The following BTBD8 variants were observed in gnomAD, a reference collection of about 807,000 sequenced individuals.
The protein encoded by BTBD8 is BTB domain containing 8, also known as BTB/POZ domain-containing protein 8.
Under a neutral mutation model 162.9 loss-of-function variants are expected in BTBD8, and 110 were observed. The observed-to-expected ratio is 0.68, with a 90% CI of 0.58 to 0.79. BTBD8 has a LOEUF of 0.79. BTBD8 is among the 30% of genes least tolerant of loss of function. The pLI, the probability that BTBD8 is intolerant of heterozygous loss-of-function variation, is 0.00. For missense variants in BTBD8, 1,905 were observed against 2,085.4 expected, an observed-to-expected ratio of 0.91 and a Z score of 1.68; for synonymous variants, 667 against 716.1, an observed-to-expected ratio of 0.93 and a Z score of 1.10.
chr1:92,113,444 C>G (rs554819917), intron 4 of BTBD8, among the ~76,000 whole-genome samples: 1 of 152,342 alleles, frequency 6.6e-6, no homozygotes, highest in African/African-American at 2.4e-5. Context: ...GCTGATTTGA[C>G]TCTGAGTGAA....
At chr1:92,095,691 G>A (rs541168) in intron 2 of BTBD8, among the ~76,000 whole-genome samples, 4,804 of 152,202 alleles carry the variant, frequency 0.032, 89 homozygotes, top group African/African-American at 0.039. Context: ...AAGTATATGT[G>A]TTAGTAATTG....
At chr1:92,124,636 T>A (rs970894667) in intron 4 of BTBD8, among the ~76,000 whole-genome samples, 3 of 152,194 alleles carry the variant, frequency 2.0e-5, no homozygotes, top group Non-Finnish European at 4.4e-5. Flanking sequence ...ACACCTGTAA[T>A]CTCAGCACTT....
intron 4 of BTBD8, among the ~76,000 whole-genome samples, chr1:92,119,047 TTGAG>T (rs1475976135): frequency 6.6e-6 from 1 of 151,662 alleles, no homozygotes; most frequent in Non-Finnish European, 1.5e-5. Flanking sequence ...CGGTGAGTCA[TTGAG>T]TGAGTGGTGG....
At chr1:92,152,546 G>A (rs1650069277) in intron 9 of BTBD8, among the ~76,000 whole-genome samples, 1 of 152,164 alleles carries the variant, frequency 6.6e-6, no homozygotes, top group Non-Finnish European at 1.5e-5. Context: ...CAGGGATATG[G>A]AGACTAGGCA....
At chr1:92,129,561 T>C in intron 4 of BTBD8, 126 bp from the exon 5 acceptor site, 1 of 749,978 alleles carries the variant, frequency 1.3e-6, no homozygotes, top group East Asian at 2.7e-5. Context: ...TAATCCTGCC[T>C]ATGAATACAA....
At chr1:92,141,424 G>A (rs929492214) in intron 7 of BTBD8, among the ~76,000 whole-genome samples, 1 of 152,176 alleles carries the variant, frequency 6.6e-6, no homozygotes, top group Non-Finnish European at 1.5e-5. Context: ...AAATTGATGG[G>A]AGGGTAGGTA....
Position 92,168,934 on chromosome 1 carries a change from T to G in BTBD8, c.1512T>G (p.Ala504=), listed in dbSNP as rs1472019290. 6.5e-7 allele frequency: 1 copy of G among 1,544,156 alleles called. No individual in the cohort carries two copies. The highest frequency in any genetic ancestry group is 1.4e-5 in the African/African-American group (1 of 72,990). ...TCTTCCTGGTTCAGTCTTTCTATGC[T>G]GTTCGTCACACAGAAAGCTGGAAGC... is the stretch of plus-strand genomic sequence containing the variant. ...LWIFLVQSFY[A]VRHTESWKLM... The change falls in exon 12 of 18, where the codon GCT becomes GCG. Residue 504 remains alanine, a synonymous_variant. Transcript: ENST00000636805.
intron 15 of BTBD8, among the ~76,000 whole-genome samples, 160 bp from the exon 16 acceptor site, chr1:92,178,152 G>GT (rs1035002394): frequency 6.6e-6 from 1 of 151,974 alleles, no homozygotes; most frequent in African/African-American, 2.4e-5. Flanking sequence ...TTGATCTACA[G>GT]TTTTATAAAC....
intron 3 of BTBD8, among the ~76,000 whole-genome samples, chr1:92,104,719 A>G (rs771753133): frequency 4.6e-5 from 7 of 152,232 alleles, no homozygotes; most frequent in Admixed American, 6.5e-5. Context: ...ACATCTTATA[A>G]ACCTTTTTGC....
At chr1:92,167,332 G>C (rs1360505683) in intron 10 of BTBD8, among the ~76,000 whole-genome samples, 192 bp downstream of exon 10, 1 of 152,206 alleles carries the variant, frequency 6.6e-6, no homozygotes, top group Non-Finnish European at 1.5e-5. Flanking sequence ...GATGAGAAAG[G>C]CGAGAGGGAC....
chr1:92,134,627 T>G (rs1052008277), intron 5 of BTBD8, among the ~76,000 whole-genome samples: 1 of 152,188 alleles, frequency 6.6e-6, no homozygotes, highest in Admixed American at 6.5e-5. Flanking sequence ...AATCCTATTC[T>G]GTTGTCTTCA....
Position 92,180,890 on chromosome 1 carries a change from CAT to C in BTBD8, c.3210_3211del (p.Ile1070MetfsTer8). ...AAACAGATGATTGCGATGCAGCTAA[CAT>C]ATGTTGTCATTCTGTTGGGAGTGAT... Reference protein sequence around the residue: ...KETDDCDAANICCHSVGSDNV... With the variant: ...KETDDCDAANXCCHSVGSDNV... On this transcript the variant is annotated frameshift_variant, in exon 17 of 18. Coordinates refer to ENST00000636805, the MANE Select transcript of BTBD8 (RefSeq NM_001376131.1). LOFTEE classifies it high-confidence loss of function. The C allele has an allele frequency of 1.9e-6, 3 of 1,551,648 alleles. No individual in the cohort carries two copies. Among genetic ancestry groups the C allele is most frequent in the Non-Finnish European group, 2.6e-6 (3 of 1,146,984 alleles).
intron 13 of BTBD8, among the ~76,000 whole-genome samples, chr1:92,174,072 A>C (rs1333408244): frequency 6.6e-6 from 1 of 152,210 alleles, no homozygotes; most frequent in Non-Finnish European, 1.5e-5. Flanking sequence ...CTTCAAAATA[A>C]AATGGGGGTG....
intron 7 of BTBD8, among the ~76,000 whole-genome samples, chr1:92,146,297 A>C (rs1020613358): frequency 1.3e-5 from 2 of 152,198 alleles, no homozygotes; most frequent in Non-Finnish European, 2.9e-5. Context: ...TTAAAAAAAA[A>C]CAAAACTTAG....
intron 2 of BTBD8, among the ~76,000 whole-genome samples, chr1:92,102,148 A>G (rs537803281): frequency 1.3e-5 from 2 of 152,060 alleles, no homozygotes; most frequent in Non-Finnish European, 2.9e-5. Flanking sequence ...TAGCCTCCCA[A>G]GCAGCTTACA....
At chr1:92,154,429 C>T (rs947692821) in intron 9 of BTBD8, among the ~76,000 whole-genome samples, 18 of 152,188 alleles carry the variant, frequency 1.2e-4, no homozygotes, top group African/African-American at 4.3e-4. Context: ...CTATTCTCCA[C>T]ATCCTCACCA....
At chr1:92,155,252 C>T (rs181458392) in intron 9 of BTBD8, among the ~76,000 whole-genome samples, 66 of 152,100 alleles carry the variant, frequency 4.3e-4, no homozygotes, top group African/African-American at 1.5e-3. Flanking sequence ...TTTGTGGTTC[C>T]GTATGAATTT....
chr1:92,152,373 G>GGTA lies in BTBD8; in HGVS notation c.1122+4589_1122+4591dup, dbSNP rs897431744. On this transcript the variant is annotated intron_variant, in intron 9 of 17. Coordinates refer to ENST00000636805, the MANE Select transcript of BTBD8 (RefSeq NM_001376131.1). Reference sequence around the variant, plus strand: ...AGCACTCAGTATGTATTGTCAAATAGGTAGGTAAGTGAATTGTATAACTTA... The same window carrying GGTA: ...AGCACTCAGTATGTATTGTCAAATAGGTAGTAGGTAAGTGAATTGTATAACTTA... 7.4e-4 allele frequency among the ~76,000 whole-genome samples: 113 copies of GGTA among 152,208 alleles called. 1 individual carries two copies. Among genetic ancestry groups the GGTA allele is most frequent in the African/African-American group, 2.6e-3 (109 of 41,550 alleles).
intron 9 of BTBD8, among the ~76,000 whole-genome samples, chr1:92,157,315 T>TA (rs1221116866): frequency 6.6e-6 from 1 of 152,184 alleles, no homozygotes; most frequent in Admixed American, 6.5e-5. Flanking sequence ...TGTTAAGACT[T>TA]ATTTTGTGAC....
Sources: allele counts gnomAD v4.1 joint callset (sites outside exome capture counted in the v4.1 genomes callset), GRCh38; gene constraint gnomAD v4.1.1; transcripts MANE v1.5; gene names NCBI Gene and HGNC (gene_info 2026-07-23, HGNC 2026-07-21).